MYO3A: variants seen among roughly 807,000 people sequenced by gnomAD.
MYO3A encodes the protein myosin IIIA, also known as myosin-IIIa.
MYO3A carries 180 observed loss-of-function variants against 192.7 expected under a neutral mutation model. The ratio of observed to expected loss-of-function variants is 0.93; its 90% confidence interval spans 0.83 to 1.06. The LOEUF (loss-of-function observed/expected upper bound fraction) is 1.06, where lower values mean the gene tolerates loss of function less well. Among genes scored for constraint, MYO3A ranks in the 50% least tolerant of loss-of-function variants. The probability of loss-of-function intolerance (pLI) is 0.00; values close to 1 mark genes in which losing one functional copy is unlikely to be tolerated. For missense variants in MYO3A, 1,896 were observed against 1,905.0 expected (o/e 1.00, Z 0.09); for synonymous variants, 628 against 645.3 (o/e 0.97, Z 0.41).
At chr10:25,998,652 G>A (rs114379264) in intron 6 of MYO3A, among the ~76,000 whole-genome samples, 1,644 of 152,144 alleles carry the variant, frequency 0.011, 25 homozygotes, top group African/African-American at 0.036. Flanking sequence ...AGACTCAAAT[G>A]GAGAACTTGC....
intron 17 of MYO3A, among the ~76,000 whole-genome samples, chr10:26,099,715 A>G (rs1212950532): frequency 6.6e-6 from 1 of 152,198 alleles, no homozygotes; most frequent in Non-Finnish European, 1.5e-5. Context: ...GATTACATAT[A>G]TTGATTTGCA....
chr10:26,023,403 CT>C (rs1385970281), intron 8 of MYO3A: 2 of 152,446 alleles, frequency 1.3e-5, no homozygotes, highest in Admixed American at 1.3e-4. Context: ...AATGATGTTC[CT>C]TTGTATTCAA....
intron 7 of MYO3A, among the ~76,000 whole-genome samples, chr10:26,019,429 T>G (rs1205419204): frequency 6.6e-6 from 1 of 151,934 alleles, no homozygotes; most frequent in Non-Finnish European, 1.5e-5. Flanking sequence ...TGGCTAATTT[T>G]TTATATTTTT....
At chr10:26,139,027 A>T (rs1840004013) in intron 20 of MYO3A, among the ~76,000 whole-genome samples, 1 of 152,170 alleles carries the variant, frequency 6.6e-6, no homozygotes, top group Admixed American at 6.5e-5. Flanking sequence ...TGCTGTAAGG[A>T]AGCCTCTGAG....
intron 3 of MYO3A, 106 bp from the exon 4 acceptor site, chr10:25,954,768 A>G: frequency 2.5e-6 from 3 of 1,223,516 alleles, no homozygotes; most frequent in Non-Finnish European, 3.6e-6. Flanking sequence ...AAAAACTATT[A>G]TGACCTTGAC....
intron 4 of MYO3A, among the ~76,000 whole-genome samples, chr10:25,956,370 G>A (rs536323173): frequency 2.2e-3 from 299 of 136,236 alleles, no homozygotes; most frequent in Non-Finnish European, 3.8e-3. Context: ...TTGCTTTGTT[G>A]CCCAGGCTGG....
At chr10:26,182,239 T>C (rs1054668459) in intron 31 of MYO3A, among the ~76,000 whole-genome samples, 3 of 152,192 alleles carry the variant, frequency 2.0e-5, no homozygotes, top group African/African-American at 7.2e-5. Flanking sequence ...AATAATATTA[T>C]TGCAACCTGG....
chr10:26,047,528 C>T (rs1305153336), intron 10 of MYO3A, among the ~76,000 whole-genome samples: 1 of 152,150 alleles, frequency 6.6e-6, no homozygotes, highest in Non-Finnish European at 1.5e-5. Flanking sequence ...AATCCCAGCA[C>T]TTTGGGAGGC....
intron 10 of MYO3A, among the ~76,000 whole-genome samples, chr10:26,033,975 C>T (rs1259677840): frequency 6.6e-6 from 1 of 152,054 alleles, no homozygotes; most frequent in African/African-American, 2.4e-5. Context: ...TATACAGAGA[C>T]CAGACCACTG....
intron 10 of MYO3A, among the ~76,000 whole-genome samples, chr10:26,035,558 CT>C (rs1449981240): frequency 1.3e-5 from 2 of 152,210 alleles, no homozygotes; most frequent in East Asian, 1.9e-4. Flanking sequence ...ACTTTCCCCC[CT>C]GCCAAGTAAT....
intron 10 of MYO3A, among the ~76,000 whole-genome samples, chr10:26,030,803 T>TTTCCTCA (rs1842769104): frequency 6.6e-6 from 1 of 152,214 alleles, no homozygotes; most frequent in Admixed American, 6.5e-5. Context: ...ACAAACTGAA[T>TTTCCTCA]ATAAACTTCC....
At chr10:26,079,027 A>G (rs559708485) in intron 14 of MYO3A, among the ~76,000 whole-genome samples, 4 of 152,242 alleles carry the variant, frequency 2.6e-5, no homozygotes, top group Admixed American at 2.6e-4. Context: ...TGTTAAGTCC[A>G]TTTGTTCCAA....
intron 20 of MYO3A, among the ~76,000 whole-genome samples, chr10:26,132,684 A>G (rs982667774): frequency 2.0e-5 from 3 of 150,856 alleles, no homozygotes; most frequent in African/African-American, 4.9e-5. Flanking sequence ...TTTTTAAATG[A>G]GCTATTACTA....
Position 25,996,934 on chromosome 10 carries a change from G to A in MYO3A, c.409-225G>A, listed in dbSNP as rs150356679. On this transcript the variant is annotated intron_variant, in intron 5 of 34. Coordinates refer to ENST00000642920, the MANE Select transcript of MYO3A (RefSeq NM_017433.5). ...ATTGAAACTCACACATTTGTAATAC[G>A]ATATTTGCTAAGAATTAAGGAGCAT... Among the ~76,000 whole-genome samples, 6 of 152,182 alleles carry A rather than the reference G, an allele frequency of 3.9e-5. No homozygotes were observed. In the East Asian group the frequency reaches 9.6e-4, roughly 24 times the overall value.
rs564999360 is a variant in MYO3A, at chr10:25,995,120, C to T, written c.304-1370C>T. 2.6e-5 allele frequency among the ~76,000 whole-genome samples: 4 copies of T among 152,290 alleles called. No homozygotes were observed. In the South Asian group the frequency reaches 6.2e-4, roughly 24 times the overall value. On this transcript the variant is annotated intron_variant, in intron 4 of 34. Transcript: ENST00000642920. ...TAAAGAGTGTTTTCCAACTTGGTTC[C>T]ATTGTCCCTGCCACTTTCAGGTACA...
Position 25,997,371 on chromosome 10 carries a change from A to G in MYO3A, c.508+113A>G, listed in dbSNP as rs1459554107. On this transcript the variant is annotated intron_variant, in intron 6 of 34. Coordinates refer to ENST00000642920, the MANE Select transcript of MYO3A (RefSeq NM_017433.5). ...AGGTATTGGAAATAGAGGAAAAATC[A>G]GTAGTATCTTATTGAGGTAAGAAGT... The G allele has an allele frequency of 3.6e-6, 3 of 825,504 alleles. No homozygotes were observed. The East Asian group carries it at 8.0e-5, about 22-fold the overall frequency. The allele number at this position is 825,504 out of a possible 1,614,324, so 51.1% of individuals were successfully genotyped here.
chr10:26,034,044 G>T (rs555883885), intron 10 of MYO3A, among the ~76,000 whole-genome samples: 1 of 152,184 alleles, frequency 6.6e-6, no homozygotes, highest in South Asian at 2.1e-4. Flanking sequence ...CCACAGTGGG[G>T]AGTACCCCAT....
At chr10:26,166,229 C>T in intron 27 of MYO3A, 51 bp downstream of exon 27, 1 of 1,388,838 alleles carries the variant, frequency 7.2e-7, no homozygotes, top group Admixed American at 1.7e-5. Flanking sequence ...GCTGGGTTCA[C>T]TGAGAATTGT....
chr10:26,084,540 T>C (rs1836181327), intron 14 of MYO3A, among the ~76,000 whole-genome samples: 1 of 152,206 alleles, frequency 6.6e-6, no homozygotes, highest in Non-Finnish European at 1.5e-5. Flanking sequence ...TCTCACTCTG[T>C]CACCCAGGCT....
Sources: allele counts gnomAD v4.1 joint callset (sites outside exome capture counted in the v4.1 genomes callset), GRCh38; gene constraint gnomAD v4.1.1; transcripts MANE v1.5; gene names NCBI Gene and HGNC (gene_info 2026-07-23, HGNC 2026-07-21).